The following NAV2 variants were observed in gnomAD, a reference collection of about 807,000 sequenced individuals.
NAV2 encodes neuron navigator 2.
Under a neutral mutation model 223.2 loss-of-function variants are expected in NAV2, and 54 were observed. The ratio of observed to expected loss-of-function variants is 0.24; its 90% CI spans 0.19 to 0.30. The LOEUF (loss-of-function observed/expected upper bound fraction) is 0.30. Among genes scored for constraint, NAV2 ranks in the 10% least tolerant of loss-of-function variants. NAV2 has a pLI of 1.00. For synonymous variants in NAV2, 1,279 were observed against 1,239.3 expected (o/e 1.03, Z -0.67); for missense variants, 2,806 against 3,147.5 (o/e 0.89, Z 2.60).
At chr11:20,055,400 A>G (rs1382897368) in intron 18 of NAV2, among the ~76,000 whole-genome samples, 1 of 152,196 alleles carries the variant, frequency 6.6e-6, no homozygotes, top group South Asian at 2.1e-4. Context: ...GTCATGCACA[A>G]ATGCTTCCCA....
At chr11:19,719,501 G>T (rs2050587211) in intron 1 of NAV2, among the ~76,000 whole-genome samples, 1 of 152,208 alleles carries the variant, frequency 6.6e-6, no homozygotes, top group Non-Finnish European at 1.5e-5. Context: ...TAGGTTGGGG[G>T]TGAGGGTTCA....
chr11:19,820,988 C>T (rs112192178), intron 1 of NAV2, among the ~76,000 whole-genome samples: 14,491 of 152,230 alleles, frequency 0.095, 982 homozygotes, highest in Non-Finnish European at 0.14. Flanking sequence ...GAGGGCCGGG[C>T]GCAGTGGCTC....
At chr11:19,703,520 A>G (rs1376326661) in intron 1 of NAV2, among the ~76,000 whole-genome samples, 1 of 152,240 alleles carries the variant, frequency 6.6e-6, no homozygotes, top group African/African-American at 2.4e-5. Flanking sequence ...AGTAAGGGTC[A>G]GGCTGCCTGA....
chr11:19,838,891 TG>T (rs2060372122), intron 2 of NAV2, among the ~76,000 whole-genome samples: 1 of 152,238 alleles, frequency 6.6e-6, no homozygotes, highest in Admixed American at 6.5e-5. Flanking sequence ...CCCAAAGTGC[TG>T]GGATTATAGG....
intron 5 of NAV2, among the ~76,000 whole-genome samples, chr11:19,881,937 G>C (rs1016396339): frequency 2.6e-5 from 4 of 152,166 alleles, no homozygotes; most frequent in Admixed American, 6.5e-5. Flanking sequence ...AGGTAGTTTG[G>C]AAGGAGAGAG....
Position 19,788,382 on chromosome 11 carries a change from G to T in NAV2, c.268-44102G>T, listed in dbSNP as rs76562539. ...CCAGCTGCACAAGCCAGAGCTTGAG[G>T]CATCATCCTTGAGTCCTCCTCTTCT... On this transcript the variant is annotated intron_variant, in intron 1 of 37. Transcript: ENST00000349880. 1.4e-3 allele frequency among the ~76,000 whole-genome samples: 217 copies of T among 152,330 alleles called. 1 individual carries two copies. In the East Asian group the frequency reaches 0.02, roughly 14 times the overall value.
intron 1 of NAV2, among the ~76,000 whole-genome samples, chr11:19,560,141 G>T (rs898399767): frequency 6.6e-6 from 1 of 152,202 alleles, no homozygotes; most frequent in Non-Finnish European, 1.5e-5. Context: ...GCTCAGAATC[G>T]GTGGTAAAAG....
intron 1 of NAV2, among the ~76,000 whole-genome samples, chr11:19,598,270 G>A (rs2046261591): frequency 6.6e-6 from 1 of 152,220 alleles, no homozygotes; most frequent in South Asian, 2.1e-4. Flanking sequence ...GGGTGCCAGG[G>A]GGTCCTCAGA....
At chr11:19,959,064 A>G (rs752824090) in intron 10 of NAV2, among the ~76,000 whole-genome samples, 2 of 152,208 alleles carry the variant, frequency 1.3e-5, no homozygotes, top group Non-Finnish European at 2.9e-5. Context: ...CCCCAGCTCC[A>G]GCCTGTGTTG....
chr11:19,687,044 T>G (rs1461995249), intron 1 of NAV2, among the ~76,000 whole-genome samples: 1 of 152,224 alleles, frequency 6.6e-6, no homozygotes, highest in Non-Finnish European at 1.5e-5. Flanking sequence ...TTTCAACACA[T>G]TGAGCTCTTA....
chr11:19,843,037 T>C lies in NAV2; in HGVS notation c.438+114T>C, dbSNP rs1033026950. 4 of 821,866 alleles carry C rather than the reference T, an allele frequency of 4.9e-6. No individual in the cohort carries two copies. The African/African-American group carries it at 6.9e-5, about 14-fold the overall frequency. The allele number at this position is 821,866 out of a possible 1,614,324, so 50.9% of individuals were successfully genotyped here. On this transcript the variant is annotated intron_variant, in intron 3 of 37. Transcript: ENST00000349880. ...AGATGCTTTACTCCAGGGGATTATA[T>C]TAATAAACTCACAGCTATTTCCAAG...
At chr11:20,033,205 C>A (rs1186179623) in intron 11 of NAV2, among the ~76,000 whole-genome samples, 1 of 152,226 alleles carries the variant, frequency 6.6e-6, no homozygotes, top group Admixed American at 6.5e-5. Flanking sequence ...CAGGATGATA[C>A]CTACCTTGCA....
chr11:19,932,012 T>G (rs981178040), intron 6 of NAV2, among the ~76,000 whole-genome samples: 2 of 152,120 alleles, frequency 1.3e-5, no homozygotes, highest in Admixed American at 1.3e-4. Context: ...GTGCTGCAGT[T>G]TCCATTTCTG....
intron 11 of NAV2, among the ~76,000 whole-genome samples, chr11:19,994,754 T>A (rs2051700878): frequency 6.6e-6 from 1 of 152,174 alleles, no homozygotes; most frequent in Non-Finnish European, 1.5e-5. Context: ...TGAACCGATG[T>A]TTCTATCCAA....
At chr11:19,813,797 T>C (rs2058957624) in intron 1 of NAV2, among the ~76,000 whole-genome samples, 1 of 152,158 alleles carries the variant, frequency 6.6e-6, no homozygotes, top group South Asian at 2.1e-4. Flanking sequence ...CCTGTAAGCA[T>C]CAACTTATGG....
chr11:19,712,256 T>G (rs1014734610), upstream of NAV2: 3 of 152,264 alleles, frequency 2.0e-5, no homozygotes, highest in African/African-American at 7.2e-5. Flanking sequence ...GGCGGGAAGC[T>G]TCCCTGCGTA....
intron 1 of NAV2, among the ~76,000 whole-genome samples, chr11:19,399,400 G>T (rs918194587): frequency 6.6e-6 from 1 of 152,206 alleles, no homozygotes; most frequent in East Asian, 1.9e-4. Context: ...ACAAGTCAGA[G>T]ATTGGATGTA....
intron 1 of NAV2, among the ~76,000 whole-genome samples, chr11:19,589,716 G>C (rs536193560): frequency 6.6e-6 from 1 of 152,280 alleles, no homozygotes; most frequent in South Asian, 2.1e-4. Context: ...TCAGAATGGG[G>C]GCCTAGAAGC....
At chr11:20,096,774 C>A (rs2061301217) in intron 30 of NAV2, among the ~76,000 whole-genome samples, 1 of 152,176 alleles carries the variant, frequency 6.6e-6, no homozygotes, top group Non-Finnish European at 1.5e-5. Context: ...GGTCCCCATC[C>A]TGGTAAGCCA....
Sources: gnomAD v4.1 joint callset for allele counts (sites outside exome capture counted in the v4.1 genomes callset) on GRCh38, gnomAD v4.1.1 for gene constraint, MANE v1.5 for transcripts, NCBI Gene and HGNC (gene_info 2026-07-23, HGNC 2026-07-21) for gene names.